LHFPL6: variants seen among roughly 807,000 people sequenced by gnomAD.
The protein encoded by LHFPL6 is LHFPL tetraspan subfamily member 6, also known as LHFPL tetraspan subfamily member 6 protein.
LHFPL6 carries 9 observed loss-of-function variants against 20.6 expected under a neutral mutation model. That is an observed-to-expected ratio of 0.44 (90% confidence interval 0.26 to 0.76). LHFPL6 has a LOEUF of 0.76. Ranked by LOEUF, LHFPL6 falls within the 30% of genes least tolerant of loss-of-function variation. The pLI, the probability that LHFPL6 is intolerant of heterozygous loss-of-function variation, is 0.20. For missense variants in LHFPL6, 218 were observed against 253.5 expected (o/e 0.86, Z 0.95); for synonymous variants, 105 against 98.7 (o/e 1.06, Z -0.38).
intron 2 of LHFPL6, among the ~76,000 whole-genome samples, chr13:39,400,568 G>C (rs1009822108): frequency 6.6e-6 from 1 of 151,784 alleles, no homozygotes; most frequent in East Asian, 1.9e-4. Flanking sequence ...CGGATCACGA[G>C]GTCAGGAGAT....
intron 3 of LHFPL6, among the ~76,000 whole-genome samples, chr13:39,373,457 T>A (rs2138355494): frequency 6.6e-6 from 1 of 152,336 alleles, no homozygotes; most frequent in East Asian, 1.9e-4. Context: ...TATGTCAGTG[T>A]TAGCAGTGGG....
chr13:39,573,267 G>T (rs1871992222), intron 2 of LHFPL6, among the ~76,000 whole-genome samples: 1 of 152,046 alleles, frequency 6.6e-6, no homozygotes, highest in African/African-American at 2.4e-5. Flanking sequence ...AAAAAACTAG[G>T]TGAAACAAAT....
chr13:39,519,406 C>T (rs762285277), intron 2 of LHFPL6, among the ~76,000 whole-genome samples: 12 of 152,272 alleles, frequency 7.9e-5, no homozygotes, highest in Non-Finnish European at 1.5e-4. Flanking sequence ...ACATCTTCCT[C>T]AAATAATGCT....
At chr13:39,467,795 T>G (rs74677332) in intron 2 of LHFPL6, among the ~76,000 whole-genome samples, 2,515 of 152,246 alleles carry the variant, frequency 0.017, 68 homozygotes, top group African/African-American at 0.058. Context: ...GCTCATTCAC[T>G]CCCCCTAAAA....
At chr13:39,423,791 A>G (rs1871558330) in intron 2 of LHFPL6, among the ~76,000 whole-genome samples, 1 of 152,242 alleles carries the variant, frequency 6.6e-6, no homozygotes, top group African/African-American at 2.4e-5. Flanking sequence ...TGGACCTCAC[A>G]TAAGTCATGT....
intron 2 of LHFPL6, among the ~76,000 whole-genome samples, chr13:39,525,114 A>T (rs1415139124): frequency 5.9e-5 from 9 of 152,208 alleles, no homozygotes; most frequent in African/African-American, 2.2e-4. Flanking sequence ...AGTTCGATAC[A>T]AAGGAACCAG....
chr13:39,376,999 A>T (rs1593290516), intron 3 of LHFPL6, among the ~76,000 whole-genome samples: 1 of 152,210 alleles, frequency 6.6e-6, no homozygotes, highest in African/African-American at 2.4e-5. Context: ...GGATTATCTG[A>T]CCTTCCTCTG....
intron 2 of LHFPL6, among the ~76,000 whole-genome samples, chr13:39,431,180 G>A (rs146365830): frequency 1.8e-4 from 25 of 138,114 alleles, no homozygotes; most frequent in South Asian, 7.2e-4. Context: ...AGAAACTCTG[G>A]ACACATCTGA....
intron 3 of LHFPL6, among the ~76,000 whole-genome samples, chr13:39,351,776 C>T (rs758390818): frequency 2.6e-5 from 4 of 152,214 alleles, no homozygotes; most frequent in Non-Finnish European, 5.9e-5. Context: ...CACTCATATA[C>T]TGCTGAGTGT....
rs1361360798 is a variant in LHFPL6, at chr13:39,555,699, A to G, written c.385+45133T>C. 3.9e-5 allele frequency among the ~76,000 whole-genome samples: 6 copies of G among 152,398 alleles called. No individual in the cohort carries two copies. In the South Asian group the frequency reaches 1.2e-3, roughly 32 times the overall value. On this transcript the variant is annotated intron_variant, in intron 2 of 3. Coordinates refer to ENST00000379589, the MANE Select transcript of LHFPL6 (RefSeq NM_005780.3). ...TAGCATATAACACGTTTATAAAGATAGCAAAAGAAGCCAACATAATTTTGA... is the reference window on the plus strand; with the variant it reads ...TAGCATATAACACGTTTATAAAGATGGCAAAAGAAGCCAACATAATTTTGA...
intron 2 of LHFPL6, among the ~76,000 whole-genome samples, chr13:39,558,828 A>T (rs1255487992): frequency 6.6e-6 from 1 of 152,228 alleles, no homozygotes; most frequent in Non-Finnish European, 1.5e-5. Flanking sequence ...ATGCTTTCCA[A>T]TCTTTAAATA....
chr13:39,420,472 C>A (rs1054881516), intron 2 of LHFPL6, among the ~76,000 whole-genome samples: 6 of 152,122 alleles, frequency 3.9e-5, no homozygotes, highest in Admixed American at 1.3e-4. Context: ...TGGGAACAAC[C>A]ACACCGGTTT....
intron 2 of LHFPL6, among the ~76,000 whole-genome samples, chr13:39,523,577 A>C (rs1190186240): frequency 6.7e-6 from 1 of 148,834 alleles, no homozygotes; most frequent in African/African-American, 2.5e-5. Context: ...ATGGTAGTGT[A>C]GGCTTAAGCC....
chr13:39,468,483 A>G (rs1872859499), intron 2 of LHFPL6, among the ~76,000 whole-genome samples: 1 of 152,136 alleles, frequency 6.6e-6, no homozygotes, highest in South Asian at 2.1e-4. Flanking sequence ...AGTTCCTGAA[A>G]AAAAAAATGC....
intron 2 of LHFPL6, among the ~76,000 whole-genome samples, chr13:39,562,269 T>A (rs1871506372): frequency 6.6e-6 from 1 of 151,638 alleles, no homozygotes; most frequent in Non-Finnish European, 1.5e-5. Flanking sequence ...CCTGCCCTCA[T>A]GGAGACACCA....
chr13:39,485,212 G>T (rs560632083), intron 2 of LHFPL6, among the ~76,000 whole-genome samples: 2 of 152,276 alleles, frequency 1.3e-5, no homozygotes, highest in African/African-American at 4.8e-5. Flanking sequence ...AAGACAAGGA[G>T]AAATGTTTTG....
At chr13:39,403,947 T>C (rs763744996) in intron 2 of LHFPL6, among the ~76,000 whole-genome samples, 3 of 152,200 alleles carry the variant, frequency 2.0e-5, no homozygotes, top group Non-Finnish European at 4.4e-5. Flanking sequence ...TTCTGATTTA[T>C]GAGGCCAAGT....
At chr13:39,599,656 T>C (rs995887490) in intron 2 of LHFPL6, among the ~76,000 whole-genome samples, 2 of 152,252 alleles carry the variant, frequency 1.3e-5, no homozygotes, top group Non-Finnish European at 1.5e-5. Context: ...AAACTTTCTA[T>C]CTCATTTCAA....
intron 2 of LHFPL6, among the ~76,000 whole-genome samples, chr13:39,467,577 A>G (rs1872836496): frequency 6.6e-6 from 1 of 152,138 alleles, no homozygotes; most frequent in Non-Finnish European, 1.5e-5. Flanking sequence ...TCCCTTATCT[A>G]CCTGGAAACT....
Sources: allele counts gnomAD v4.1 joint callset (sites outside exome capture counted in the v4.1 genomes callset), GRCh38; gene constraint gnomAD v4.1.1; transcripts MANE v1.5; gene names NCBI Gene and HGNC (gene_info 2026-07-23, HGNC 2026-07-21).